Variants in CSMD1 observed in about 807,000 individuals in gnomAD.
The protein encoded by CSMD1 is CUB and sushi domain-containing protein 1.
In CSMD1, 213 loss-of-function variants were observed where a neutral mutation model predicts 417.5. The observed-to-expected ratio is 0.51, with a 90% CI of 0.46 to 0.57. The LOEUF is 0.57. Ranked by LOEUF, CSMD1 falls within the 20% of genes least tolerant of loss-of-function variation. The probability of loss-of-function intolerance (pLI) is 0.00; values close to 1 mark genes in which losing one functional copy is unlikely to be tolerated. For missense variants in CSMD1, 6,923 were observed against 4,529.7 expected (o/e 1.53, Z -15.17); for synonymous variants, 2,862 against 1,736.8 (o/e 1.65, Z -16.11).
At chr8:4,253,448 C>G (rs149696053) in intron 3 of CSMD1, among the ~76,000 whole-genome samples, 1 of 152,194 alleles carries the variant, frequency 6.6e-6, no homozygotes, top group African/African-American at 2.4e-5. Context: ...AACACCATAT[C>G]AGGACCTAAT....
rs894003986 is a variant in CSMD1, at chr8:2,937,628, G to A, written c.*957C>T. 1.3e-5 allele frequency: 2 copies of A among 152,170 alleles called. No individual in the cohort carries two copies. Among genetic ancestry groups the A allele is most frequent in the African/African-American group, 4.8e-5 (2 of 41,448 alleles). 9.4% of individuals were successfully genotyped at this position (152,170 alleles called of 1,614,324 possible). ...GTAATTGGATGAGGATGGTACTAAA[G>A]GAGGAAAACGTGTGAAATAAGGAGG... is the stretch of plus-strand genomic sequence containing the variant. On this transcript the variant is annotated 3_prime_UTR_variant, in exon 70 of 70. Transcript: ENST00000635120.
At chr8:4,381,244 C>A (rs1158352259) in intron 3 of CSMD1, among the ~76,000 whole-genome samples, 1 of 152,206 alleles carries the variant, frequency 6.6e-6, no homozygotes, top group Non-Finnish European at 1.5e-5. Flanking sequence ...ATTAGGGGAG[C>A]ATCTGAGTGA....
intron 26 of CSMD1, among the ~76,000 whole-genome samples, chr8:3,281,790 C>T (rs552732753): frequency 3.3e-5 from 5 of 152,260 alleles, no homozygotes; most frequent in African/African-American, 1.2e-4. Context: ...TTTGGATCTG[C>T]GTCCCCACCC....
intron 40 of CSMD1, among the ~76,000 whole-genome samples, chr8:3,143,929 A>G (rs757942679): frequency 6.6e-5 from 10 of 152,228 alleles, no homozygotes; most frequent in Non-Finnish European, 1.2e-4. Context: ...GGAAGAAAAA[A>G]GTCCAAGTGA....
intron 3 of CSMD1, among the ~76,000 whole-genome samples, chr8:4,203,467 T>C (rs1037720883): frequency 6.6e-6 from 1 of 152,186 alleles, no homozygotes; most frequent in Non-Finnish European, 1.5e-5. Context: ...TTCTTCTTTC[T>C]ATAATGAAGA....
At chr8:3,698,324 A>G (rs1800669026) in intron 7 of CSMD1, among the ~76,000 whole-genome samples, 2 of 152,222 alleles carry the variant, frequency 1.3e-5, no homozygotes, top group Non-Finnish European at 2.9e-5. Flanking sequence ...GGTCTTTGCT[A>G]AGAAAACAGG....
rs938680944 is a variant in CSMD1, at chr8:2,949,316, A to C, written c.10385T>G (p.Phe3462Cys). 1 of 1,605,284 alleles carries C rather than the reference A, an allele frequency of 6.2e-7. No homozygotes were observed. The highest frequency in any genetic ancestry group is 1.1e-5 in the South Asian group (1 of 90,628). The change falls in exon 68 of 70, where the codon TTT becomes TGT. Residue 3462 changes from phenylalanine (F) to cysteine (C), a missense_variant. Physicochemically the swap from Phe to Cys is radical, Grantham distance 205. Transcript: ENST00000635120. ...GDIHGKDFGK[F>C]KLERQDPLNP... ...CAACTTACCTTGCCTTTCTAGCTTA[A>C]ATTTTCCAAAGTCTTTTCCATGAAT...
At chr8:4,395,938 A>C (rs1314749830) in intron 3 of CSMD1, among the ~76,000 whole-genome samples, 1 of 152,214 alleles carries the variant, frequency 6.6e-6, no homozygotes. Context: ...TAACCGTTGA[A>C]ATATTCCCCA....
chr8:3,496,324 T>TCTGC (rs989776915), intron 10 of CSMD1, among the ~76,000 whole-genome samples: 2 of 152,168 alleles, frequency 1.3e-5, no homozygotes, highest in African/African-American at 4.8e-5. Flanking sequence ...GGTTTGCTGT[T>TCTGC]CTGCCTGCCC....
intron 1 of CSMD1, among the ~76,000 whole-genome samples, chr8:4,924,158 T>G (rs1176767351): frequency 1.3e-5 from 2 of 152,184 alleles, no homozygotes; most frequent in African/African-American, 4.8e-5. Flanking sequence ...CACTCGATGT[T>G]GAATACAGAT....
chr8:3,273,433 G>T, intron 26 of CSMD1, among the ~76,000 whole-genome samples: 1 of 152,104 alleles, frequency 6.6e-6, no homozygotes. Context: ...GTATCAGGAT[G>T]ATGCTGGCCT....
intron 1 of CSMD1, among the ~76,000 whole-genome samples, chr8:4,685,062 C>T (rs539609198): frequency 6.6e-6 from 1 of 152,268 alleles, no homozygotes; most frequent in African/African-American, 2.4e-5. Context: ...CTGACCCTTA[C>T]CCAGTTATCG....
At chr8:4,365,425 GA>G (rs1563097939) in intron 3 of CSMD1, among the ~76,000 whole-genome samples, 1 of 152,086 alleles carries the variant, frequency 6.6e-6, no homozygotes, top group Non-Finnish European at 1.5e-5. Flanking sequence ...AACCTCTGGG[GA>G]AAAATAAAAG....
intron 6 of CSMD1, among the ~76,000 whole-genome samples, chr8:3,724,938 T>C (rs1802398555): frequency 6.6e-6 from 1 of 152,232 alleles, no homozygotes; most frequent in South Asian, 2.1e-4. Flanking sequence ...GTACAAATTC[T>C]TTTTAAAATA....
intron 2 of CSMD1, among the ~76,000 whole-genome samples, chr8:4,495,865 T>C (rs982127075): frequency 5.9e-5 from 9 of 152,192 alleles, no homozygotes; most frequent in South Asian, 2.1e-4. Context: ...GTGGATTTCA[T>C]TTAATTTTTC....
At chr8:3,912,897 A>G (rs1270937163) in intron 5 of CSMD1, among the ~76,000 whole-genome samples, 1 of 152,200 alleles carries the variant, frequency 6.6e-6, no homozygotes, top group African/African-American at 2.4e-5. Context: ...ATGAAGATCA[A>G]TTAATCAGCA....
chr8:4,586,985 T>C (rs1442145125), intron 2 of CSMD1, among the ~76,000 whole-genome samples: 2 of 152,194 alleles, frequency 1.3e-5, no homozygotes, highest in Middle Eastern at 3.2e-3. Context: ...TAAGAGCGCC[T>C]AAAAAGTTAT....
At chr8:3,554,352 G>T (rs1055790762) in intron 10 of CSMD1, among the ~76,000 whole-genome samples, 2 of 152,246 alleles carry the variant, frequency 1.3e-5, no homozygotes, top group East Asian at 3.8e-4. Context: ...AAGACCTGCT[G>T]GCTGGCGAGG....
At chr8:4,666,907 C>A (rs1187097471) in intron 1 of CSMD1, among the ~76,000 whole-genome samples, 1 of 151,532 alleles carries the variant, frequency 6.6e-6, no homozygotes, top group East Asian at 1.9e-4. Flanking sequence ...TTGTGTGTTA[C>A]CTAATTAAAA....
Sources: gnomAD v4.1 joint callset for allele counts (sites outside exome capture counted in the v4.1 genomes callset) on GRCh38, gnomAD v4.1.1 for gene constraint, MANE v1.5 for transcripts, NCBI Gene and HGNC (gene_info 2026-07-23, HGNC 2026-07-21) for gene names.